Variants in FILIP1L observed in about 807,000 individuals in gnomAD.
FILIP1L encodes the protein filamin A interacting protein 1 like.
In FILIP1L, 55 loss-of-function variants were observed where a neutral mutation model predicts 96.6. That is an observed-to-expected ratio of 0.57 (90% CI 0.46 to 0.71). FILIP1L has a LOEUF of 0.71. Ranked by LOEUF, FILIP1L falls within the 30% of genes least tolerant of loss-of-function variation. FILIP1L has a pLI of 0.00. For synonymous variants in FILIP1L, 467 were observed against 473.9 expected (o/e 0.99, Z 0.19); for missense variants, 1,304 against 1,321.2 (o/e 0.99, Z 0.20).
chr3:99,900,350 C>T (rs952625905), intron 4 of FILIP1L, among the ~76,000 whole-genome samples: 4 of 152,116 alleles, frequency 2.6e-5, no homozygotes, highest in African/African-American at 9.7e-5. Context: ...ATGTTAAACA[C>T]TATTTTTAAC....
At chr3:99,889,885 T>C (rs1269590374) in intron 4 of FILIP1L, among the ~76,000 whole-genome samples, 1 of 152,116 alleles carries the variant, frequency 6.6e-6, no homozygotes, top group Non-Finnish European at 1.5e-5. Context: ...TTATATATTT[T>C]AGTTCTAACT....
intron 4 of FILIP1L, among the ~76,000 whole-genome samples, chr3:99,922,675 A>G (rs1707161704): frequency 6.6e-6 from 1 of 152,222 alleles, no homozygotes; most frequent in Admixed American, 6.5e-5. Context: ...TTCAGTATCA[A>G]TAGAGAGGGT....
intron 1 of FILIP1L, among the ~76,000 whole-genome samples, chr3:100,031,597 G>A (rs926516785): frequency 6.6e-6 from 1 of 151,980 alleles, no homozygotes; most frequent in Non-Finnish European, 1.5e-5. Context: ...CCTGAGACCC[G>A]CATCCCTTGG....
At chr3:99,864,122 A>C (rs1011065666) in intron 4 of FILIP1L, among the ~76,000 whole-genome samples, 2 of 152,236 alleles carry the variant, frequency 1.3e-5, no homozygotes, top group Non-Finnish European at 2.9e-5. Flanking sequence ...GAAATTATTA[A>C]GATAGATTGT....
At chr3:99,913,092 C>CA (rs146518528) in intron 4 of FILIP1L, among the ~76,000 whole-genome samples, 2,422 of 152,298 alleles carry the variant, frequency 0.016, 60 homozygotes, top group African/African-American at 0.055. Flanking sequence ...AAGGAGACGA[C>CA]AGCGGTTTAC....
chr3:99,995,253 A>G (rs1001374262), intron 1 of FILIP1L, among the ~76,000 whole-genome samples: 1 of 152,212 alleles, frequency 6.6e-6, no homozygotes, highest in Non-Finnish European at 1.5e-5. Flanking sequence ...TACGGGGCCC[A>G]TGCAAGTCTG....
At chr3:100,100,771 C>T (rs536592953) in intron 1 of FILIP1L, among the ~76,000 whole-genome samples, 1 of 152,106 alleles carries the variant, frequency 6.6e-6, no homozygotes, top group East Asian at 1.9e-4. Context: ...GAGTGTGAGA[C>T]CTCGCAAGGT....
In FILIP1L at chr3:100,008,058, G is replaced by C. The variant is rs531744862; in HGVS notation, c.-10-77028C>G. On this transcript the variant is annotated intron_variant, in intron 1 of 5. Coordinates refer to ENST00000477258, the MANE Select transcript of FILIP1L (RefSeq NM_001387850.1). ...TACACAAAGTGTTTCCCTCCTCCAA[G>C]TTGACATAACATTTTCCACCTTCCT... 5.3e-5 allele frequency among the ~76,000 whole-genome samples: 8 copies of C among 152,264 alleles called. No homozygotes were observed. The East Asian group carries it at 1.5e-3, about 29-fold the overall frequency.
chr3:99,835,676 A>G (rs1942867490), intron 5 of FILIP1L, among the ~76,000 whole-genome samples: 1 of 152,202 alleles, frequency 6.6e-6, no homozygotes, highest in Admixed American at 6.5e-5. Context: ...ATTTTAAGAA[A>G]CATTGATATA....
intron 1 of FILIP1L, among the ~76,000 whole-genome samples, chr3:100,013,540 G>A (rs1012554256): frequency 7.9e-5 from 12 of 152,064 alleles, no homozygotes; most frequent in Non-Finnish European, 1.6e-4. Context: ...CACCACACTC[G>A]GCTGGCCAGT....
intron 1 of FILIP1L, among the ~76,000 whole-genome samples, chr3:99,962,355 G>GT: frequency 6.6e-6 from 1 of 152,166 alleles, no homozygotes; most frequent in East Asian, 1.9e-4. Flanking sequence ...GATATTTATT[G>GT]TTCTCTTGGG....
At chr3:100,089,998 C>T (rs1235881474) in intron 1 of FILIP1L, among the ~76,000 whole-genome samples, 4 of 152,236 alleles carry the variant, frequency 2.6e-5, no homozygotes, top group Non-Finnish European at 4.4e-5. Flanking sequence ...TACTCCCCCG[C>T]AACTGCAAAG....
chr3:100,064,471 A>G (rs963001018), intron 1 of FILIP1L, among the ~76,000 whole-genome samples: 10 of 151,324 alleles, frequency 6.6e-5, no homozygotes, highest in Non-Finnish European at 8.8e-5. Context: ...CCCTTACTGC[A>G]TTAAGTGTGC....
chr3:99,974,646 G>A (rs1438951096), intron 1 of FILIP1L, among the ~76,000 whole-genome samples: 1 of 152,164 alleles, frequency 6.6e-6, no homozygotes, highest in Non-Finnish European at 1.5e-5. Flanking sequence ...GGCGGAGGTT[G>A]TGATGAGCCA....
intron 4 of FILIP1L, among the ~76,000 whole-genome samples, chr3:99,867,698 T>C (rs1333289138): frequency 6.6e-6 from 1 of 152,144 alleles, no homozygotes; most frequent in East Asian, 1.9e-4. Context: ...TTCCACAAAA[T>C]AAATACTCCC....
At chr3:99,897,860 A>G (rs1706309080) in intron 4 of FILIP1L, among the ~76,000 whole-genome samples, 1 of 152,238 alleles carries the variant, frequency 6.6e-6, no homozygotes, top group South Asian at 2.1e-4. Context: ...CTGCTGAAAT[A>G]TATGTGGTAA....
chr3:99,890,727 T>C (rs538780016), intron 4 of FILIP1L, among the ~76,000 whole-genome samples: 30 of 151,858 alleles, frequency 2.0e-4, no homozygotes, highest in Admixed American at 8.5e-4. Context: ...ACCAATCCGC[T>C]GTTTTTTTTT....
intron 1 of FILIP1L, among the ~76,000 whole-genome samples, chr3:100,039,403 T>C (rs1439504755): frequency 6.6e-6 from 1 of 152,178 alleles, no homozygotes; most frequent in Non-Finnish European, 1.5e-5. Context: ...CAGTATGTAG[T>C]ATAAAGATTT....
chr3:100,083,856 G>A (rs2065967355), intron 1 of FILIP1L, among the ~76,000 whole-genome samples: 1 of 152,150 alleles, frequency 6.6e-6, no homozygotes, highest in Admixed American at 6.6e-5. Flanking sequence ...ATTAAGGCAT[G>A]AGCCACGGTG....
Sources: gnomAD v4.1 joint callset for allele counts (sites outside exome capture counted in the v4.1 genomes callset) on GRCh38, gnomAD v4.1.1 for gene constraint, MANE v1.5 for transcripts, NCBI Gene and HGNC (gene_info 2026-07-23, HGNC 2026-07-21) for gene names.